The following SLC4A4 variants were observed in gnomAD, a reference collection of about 807,000 sequenced individuals.
SLC4A4 encodes the protein electrogenic sodium bicarbonate cotransporter 1.
A neutral mutation model predicts 111.5 loss-of-function variants in SLC4A4; 27 were observed. That is an observed-to-expected ratio of 0.24 (90% CI 0.18 to 0.33). SLC4A4 has a LOEUF of 0.33. Ranked by LOEUF, SLC4A4 falls within the 10% of genes least tolerant of loss-of-function variation. SLC4A4 has a pLI of 1.00. For synonymous variants in SLC4A4, 443 were observed against 463.4 expected (o/e 0.96, Z 0.57); for missense variants, 909 against 1,315.5 (o/e 0.69, Z 4.78).
At chr4:71,234,117 G>C (rs759887600) in intron 1 of SLC4A4, among the ~76,000 whole-genome samples, 8 of 152,162 alleles carry the variant, frequency 5.3e-5, no homozygotes, top group Non-Finnish European at 7.3e-5. Flanking sequence ...ATTCCTTCCT[G>C]TCATTTTTGT....
At chr4:71,498,551 A>G (rs1730616886) in intron 16 of SLC4A4, among the ~76,000 whole-genome samples, 1 of 152,176 alleles carries the variant, frequency 6.6e-6, no homozygotes, top group South Asian at 2.1e-4. Flanking sequence ...TTAAAATATG[A>G]GATGCACTTG....
intron 2 of SLC4A4, among the ~76,000 whole-genome samples, chr4:71,143,759 T>C (rs1251066999): frequency 6.6e-6 from 1 of 152,264 alleles, no homozygotes; most frequent in African/African-American, 2.4e-5. Context: ...GAGAAGTGTC[T>C]GTTCATATCC....
chr4:71,473,135 T>A, intron 14 of SLC4A4, 165 bp downstream of exon 14: 1 of 786,486 alleles, frequency 1.3e-6, no homozygotes, highest in East Asian at 2.6e-5. Flanking sequence ...GCCTGAGGTA[T>A]TTTAGCTGTA....
intron 2 of SLC4A4, among the ~76,000 whole-genome samples, chr4:71,147,134 GA>G: frequency 1.3e-5 from 2 of 152,226 alleles, no homozygotes; most frequent in Middle Eastern, 6.8e-3. Flanking sequence ...GATCAAAAGA[GA>G]CAAAGAAGGC....
intron 7 of SLC4A4, among the ~76,000 whole-genome samples, chr4:71,435,122 C>G (rs959926883): frequency 1.3e-5 from 2 of 152,140 alleles, no homozygotes; most frequent in Admixed American, 6.5e-5. Flanking sequence ...GCAAAAAGAA[C>G]AAAGCTGGAG....
At chr4:71,331,886 C>T (rs117562462) in intron 3 of SLC4A4, among the ~76,000 whole-genome samples, 1 of 152,058 alleles carries the variant, frequency 6.6e-6, no homozygotes, top group Admixed American at 6.6e-5. Context: ...GGTTTTGAGT[C>T]TTTTCTTGGT....
At position 71,243,432 on chromosome 4, in the gene SLC4A4, G is replaced by C. The variant is rs566570307; in HGVS notation, c.73+6783G>C. 2.0e-5 allele frequency among the ~76,000 whole-genome samples: 3 copies of C among 152,206 alleles called. No individual in the cohort carries two copies. The East Asian group carries it at 5.8e-4, about 29-fold the overall frequency. ...AAATCATTGGGAGAACTGAGAATTG[G>C]GCCTGATGAGAATGAGTAAAATAAG... On this transcript the variant is annotated intron_variant, in intron 2 of 25. Coordinates refer to ENST00000264485, the MANE Select transcript of SLC4A4 (RefSeq NM_001098484.3).
At chr4:71,474,806 T>C (rs1728211450) in intron 14 of SLC4A4, among the ~76,000 whole-genome samples, 1 of 151,922 alleles carries the variant, frequency 6.6e-6, no homozygotes, top group Non-Finnish European at 1.5e-5. Context: ...AGCTGTATAC[T>C]GATTTGAAAT....
intron 3 of SLC4A4, 75 bp from the exon 4 acceptor site, chr4:71,339,295 G>C: frequency 1.2e-6 from 2 of 1,614,202 alleles, no homozygotes; most frequent in Non-Finnish European, 1.7e-6. Context: ...CTTGGGGAGA[G>C]AGGAAGAGCC....
At chr4:71,511,611 T>A (rs774757667) in intron 16 of SLC4A4, among the ~76,000 whole-genome samples, 12 of 152,140 alleles carry the variant, frequency 7.9e-5, no homozygotes, top group Non-Finnish European at 1.2e-4. Context: ...TTTTGTTATA[T>A]GTGTATAACA....
intron 2 of SLC4A4, among the ~76,000 whole-genome samples, chr4:71,143,700 T>C (rs151177146): frequency 0.011 from 1,680 of 152,348 alleles, 33 homozygotes; most frequent in African/African-American, 0.038. Flanking sequence ...TGATGGCCAG[T>C]GATGATAGCA....
At chr4:71,499,488 A>G (rs764492398) in intron 16 of SLC4A4, among the ~76,000 whole-genome samples, 2 of 152,114 alleles carry the variant, frequency 1.3e-5, no homozygotes, top group Non-Finnish European at 2.9e-5. Context: ...AAAATATACA[A>G]CACATTATTA....
upstream of SLC4A4, among the ~76,000 whole-genome samples, chr4:71,184,993 T>G (rs543835943): frequency 1.3e-5 from 2 of 152,182 alleles, no homozygotes; most frequent in African/African-American, 4.8e-5. Context: ...CTCACCTCTA[T>G]AGTACTCTCA....
Position 71,568,180 on chromosome 4 carries a change from G to T in SLC4A4, c.*429G>T. The T allele has an allele frequency of 3.6e-6, 1 of 281,064 alleles. No individual in the cohort carries two copies. The highest frequency in any genetic ancestry group is 4.6e-5 in the South Asian group (1 of 21,886). The allele number at this position is 281,064 out of a possible 1,614,324, so 17.4% of individuals were successfully genotyped here. On this transcript the variant is annotated 3_prime_UTR_variant, in exon 26 of 26. Coordinates refer to ENST00000264485, the MANE Select transcript of SLC4A4 (RefSeq NM_001098484.3). ...CAGACACGCACAGACCCTGTCCTTTGCCTCTATTAAGCAGAGGATGGAAGT... is the reference window on the plus strand; with the variant it reads ...CAGACACGCACAGACCCTGTCCTTTTCCTCTATTAAGCAGAGGATGGAAGT...
At chr4:71,212,130 C>A (rs745862694) in intron 1 of SLC4A4, among the ~76,000 whole-genome samples, 1 of 152,164 alleles carries the variant, frequency 6.6e-6, no homozygotes, top group African/African-American at 2.4e-5. Context: ...AAGAGTCATT[C>A]CAGCTTTCTG....
intron 1 of SLC4A4, chr4:71,236,129 G>C: frequency 9.6e-7 from 1 of 1,042,364 alleles, no homozygotes; most frequent in Non-Finnish European, 1.2e-6. Flanking sequence ...GTGTGTGAGG[G>C]TATACATTTT....
Position 71,453,520 on chromosome 4 carries a change from A to G in SLC4A4, c.1348A>G (p.Ile450Val). The G allele has an allele frequency of 6.2e-7, 1 of 1,614,024 alleles. No homozygotes were observed. The highest frequency in any genetic ancestry group is 8.5e-7 in the Non-Finnish European group (1 of 1,179,900). The change falls in exon 12 of 26, where the codon ATA (isoleucine) becomes GTA (valine). Residue 450 changes from isoleucine to valine, a missense_variant. Ile to Val is a conservative substitution (Grantham distance 29, BLOSUM62 3). Coordinates refer to ENST00000264485, the MANE Select transcript of SLC4A4 (RefSeq NM_001098484.3). ...GTTCTGTGGTGGACTAATTAAAGAC[A>G]TAAAGAGGAAAGCGCCATTTTTTGC... ...GRFCGGLIKD[I>V]KRKAPFFASD...
Position 71,567,769 on chromosome 4 carries a change from T to C in SLC4A4, c.*37-19T>C. On this transcript the variant is annotated intron_variant, in intron 25 of 25. Transcript: ENST00000264485. Reference sequence around the variant, plus strand: ...GAAATCTGATTTACTTACTACTTTTTTTTTTCCTTTTTCTCTAGTCCTCCT... The same window carrying C: ...GAAATCTGATTTACTTACTACTTTTCTTTTTCCTTTTTCTCTAGTCCTCCT... The C allele has an allele frequency of 8.0e-7, 1 of 1,243,176 alleles. No homozygotes were observed. Among genetic ancestry groups the C allele is most frequent in the Admixed American group, 2.6e-5 (1 of 38,808 alleles). The allele number at this position is 1,243,176 out of a possible 1,614,324, so 77.0% of individuals were successfully genotyped here.
At chr4:71,240,986 G>C (rs1720167638) in intron 2 of SLC4A4, among the ~76,000 whole-genome samples, 1 of 151,950 alleles carries the variant, frequency 6.6e-6, no homozygotes. Flanking sequence ...GCTGGGTGTT[G>C]TGCATGCCTG....
Sources: gnomAD v4.1 joint callset for allele counts (sites outside exome capture counted in the v4.1 genomes callset) on GRCh38, gnomAD v4.1.1 for gene constraint, MANE v1.5 for transcripts, NCBI Gene and HGNC (gene_info 2026-07-23, HGNC 2026-07-21) for gene names.